PCYT1A: variants seen among roughly 807,000 people sequenced by gnomAD.
PCYT1A encodes the protein phosphate cytidylyltransferase 1A, choline, also known as choline-phosphate cytidylyltransferase A.
PCYT1A carries 25 observed loss-of-function variants against 43.7 expected under a neutral mutation model. The ratio of observed to expected loss-of-function variants is 0.57; its 90% CI spans 0.42 to 0.80. The LOEUF (loss-of-function observed/expected upper bound fraction) is 0.80. Ranked by LOEUF, PCYT1A falls within the 30% of genes least tolerant of loss-of-function variation. The pLI, the probability that PCYT1A is intolerant of heterozygous loss-of-function variation, is 0.00. For missense variants in PCYT1A, 421 were observed against 474.2 expected, an observed-to-expected ratio of 0.89 and a Z score of 1.04; for synonymous variants, 172 against 170.7, an observed-to-expected ratio of 1.01 and a Z score of -0.06.
intron 2 of PCYT1A, among the ~76,000 whole-genome samples, chr3:196,265,739 CT>C (rs918330587): frequency 6.6e-6 from 1 of 150,846 alleles, no homozygotes; most frequent in Non-Finnish European, 1.5e-5. Flanking sequence ...TCCCCCTACC[CT>C]TTTTTTTTCT....
Position 196,242,251 on chromosome 3 carries a change from C to T in PCYT1A, c.566-161G>A, listed in dbSNP as rs1398956384. ...AGATACTGATATACAGAAGGTAGAC[C>T]GAATCAAAGGCCAGAGGTAAGGCAA... is the stretch of plus-strand genomic sequence containing the variant. On this transcript the variant is annotated intron_variant, in intron 6 of 8. Coordinates refer to ENST00000431016, the MANE Select transcript of PCYT1A (RefSeq NM_001312673.2). The surrounding 1 kb of genome is among the most constrained non-coding windows in gnomAD (Gnocchi z 4.2). 6 of 712,870 alleles carry T rather than the reference C, an allele frequency of 8.4e-6. No individual in the cohort carries two copies. Among genetic ancestry groups the T allele is most frequent in the South Asian group, 7.1e-5 (4 of 56,188 alleles). 44.2% of individuals were successfully genotyped at this position (712,870 alleles called of 1,614,324 possible).
chr3:196,283,201 G>C (rs1253624905), intron 1 of PCYT1A, among the ~76,000 whole-genome samples: 1 of 152,164 alleles, frequency 6.6e-6, no homozygotes, highest in African/African-American at 2.4e-5. Context: ...GCTGGGCGTG[G>C]TGGCGGGCAC....
intron 1 of PCYT1A, among the ~76,000 whole-genome samples, chr3:196,276,216 TGTTA>T (rs1420564583): frequency 6.6e-6 from 1 of 152,216 alleles, no homozygotes; most frequent in Non-Finnish European, 1.5e-5. Flanking sequence ...GCAAGGAATT[TGTTA>T]ATTAGCTTGA....
At chr3:196,243,861 A>G (rs1001335124) in intron 5 of PCYT1A, among the ~76,000 whole-genome samples, 12 of 152,184 alleles carry the variant, frequency 7.9e-5, no homozygotes, top group Admixed American at 2.0e-4. Context: ...GCTGGAGTGC[A>G]GTGGCGTGAT....
chr3:196,257,755 G>A (rs1368408969), intron 3 of PCYT1A, 33 bp downstream of exon 3: 2 of 1,298,892 alleles, frequency 1.5e-6, no homozygotes. Context: ...AAAAACAATA[G>A]TCAAACAACA....
intron 3 of PCYT1A, among the ~76,000 whole-genome samples, chr3:196,255,561 G>C (rs1355824798): frequency 6.6e-6 from 1 of 152,112 alleles, no homozygotes; most frequent in Non-Finnish European, 1.5e-5. Flanking sequence ...CGGCACGGTG[G>C]CTCACTCCTG....
At position 196,238,540 on chromosome 3, in the gene PCYT1A, T is replaced by C. The variant is rs1186873989; in HGVS notation, c.*148A>G. 3.7e-6 allele frequency: 2 copies of C among 538,878 alleles called. No individual in the cohort carries two copies. Among genetic ancestry groups the C allele is most frequent in the Non-Finnish European group, 6.4e-6 (2 of 311,772 alleles). The allele number at this position is 538,878 out of a possible 1,614,324, so 33.4% of individuals were successfully genotyped here. On this transcript the variant is annotated 3_prime_UTR_variant, in exon 9 of 9. Coordinates refer to ENST00000431016, the MANE Select transcript of PCYT1A (RefSeq NM_001312673.2). ...TCACTTGCAGGACAGGCTGTTTGGG[T>C]TCCCCCAGTCCTAGGTCTTCTTTCC...
intron 1 of PCYT1A, among the ~76,000 whole-genome samples, chr3:196,275,626 G>A (rs756316373): frequency 2.0e-5 from 3 of 151,994 alleles, no homozygotes; most frequent in Non-Finnish European, 4.4e-5. Flanking sequence ...CCAGCTACTC[G>A]GGAGGCTGAG....
At chr3:196,254,705 A>G (rs1309182165) in intron 3 of PCYT1A, among the ~76,000 whole-genome samples, 3 of 152,180 alleles carry the variant, frequency 2.0e-5, no homozygotes, top group African/African-American at 7.2e-5. Context: ...CCTGATTTGG[A>G]TGATAAATTA....
At chr3:196,270,160 G>C (rs1199982208) in intron 2 of PCYT1A, among the ~76,000 whole-genome samples, 1 of 152,114 alleles carries the variant, frequency 6.6e-6, no homozygotes, top group Admixed American at 6.6e-5. Flanking sequence ...ACCGCACCTG[G>C]CCATATTTCA....
rs972112261 is a variant in PCYT1A, at chr3:196,274,412, A to G, written c.-10-3871T>C. 5.3e-5 allele frequency among the ~76,000 whole-genome samples: 8 copies of G among 152,354 alleles called. 1 individual carries two copies. In the South Asian group the frequency reaches 1.4e-3, roughly 28 times the overall value. ...CCCATCCAGACAGGCCACCGCTGCC[A>G]TCATTTAGATGTTGGCTTTTCAGCC... is the stretch of plus-strand genomic sequence containing the variant. On this transcript the variant is annotated intron_variant, in intron 1 of 8. Transcript: ENST00000431016.
chr3:196,275,328 G>C (rs970974972), intron 1 of PCYT1A, among the ~76,000 whole-genome samples: 1 of 152,200 alleles, frequency 6.6e-6, no homozygotes, highest in Non-Finnish European at 1.5e-5. Context: ...CTTATTTGTG[G>C]AATCTAAAAG....
chr3:196,274,766 C>A (rs1177745777), intron 1 of PCYT1A, among the ~76,000 whole-genome samples: 1 of 152,224 alleles, frequency 6.6e-6, no homozygotes, highest in Non-Finnish European at 1.5e-5. Flanking sequence ...CTACAAGAAA[C>A]TGGCCTAATT....
At chr3:196,280,570 G>GTTTTTTTTTTTTGTTT (rs1725736437) in intron 1 of PCYT1A, among the ~76,000 whole-genome samples, 1 of 91,344 alleles carries the variant, frequency 1.1e-5, no homozygotes. Flanking sequence ...TATTTTTATT[G>GTTTTTTTTTTTTGTTT]TTTTTTTTTT....
intron 2 of PCYT1A, among the ~76,000 whole-genome samples, chr3:196,260,599 T>A (rs1054394273): frequency 6.6e-6 from 1 of 152,080 alleles, no homozygotes; most frequent in African/African-American, 2.4e-5. Flanking sequence ...TCCCAGCACT[T>A]TGGGAGGCCG....
chr3:196,238,702 C>T lies in PCYT1A; in HGVS notation c.1090G>A (p.Asp364Asn). Residue 364 changes from aspartate (D) to asparagine (N), a missense_variant, in exon 9 of 9, where the codon GAT becomes AAT. Coordinates refer to ENST00000431016, the MANE Select transcript of PCYT1A (RefSeq NM_001312673.2). ...HKAAAYDISE[D>N]EED The stretch of plus-strand genomic sequence containing the variant: ...GGGAGGAAACATTAGTCTTCTTCAT[C>T]CTCACTGATATCATAGGCTGCAGCC... 6.4e-7 allele frequency: 1 copy of T among 1,554,582 alleles called. No individual in the cohort carries two copies. The highest frequency in any genetic ancestry group is 8.7e-7 in the Non-Finnish European group (1 of 1,150,834).
chr3:196,282,742 A>C lies in PCYT1A; in HGVS notation c.-11+4873T>G, dbSNP rs1203735369. The stretch of plus-strand genomic sequence containing the variant: ...GGAGTCCATAACACAAAAAAGATTA[A>C]GATTCCTGTTCTACGGTCAAAAAAT... On this transcript the variant is annotated intron_variant, in intron 1 of 8. Transcript: ENST00000431016. The surrounding 1 kb of genome is among the most constrained non-coding windows in gnomAD (Gnocchi z 4.3). 6.6e-6 allele frequency among the ~76,000 whole-genome samples: 1 copy of C among 152,228 alleles called. No homozygotes were observed. Among genetic ancestry groups the C allele is most frequent in the Non-Finnish European group, 1.5e-5 (1 of 68,046 alleles).
At chr3:196,286,855 G>C (rs929469377) in intron 1 of PCYT1A, among the ~76,000 whole-genome samples, 1 of 152,156 alleles carries the variant, frequency 6.6e-6, no homozygotes, top group African/African-American at 2.4e-5. Context: ...CGGAGGTTGC[G>C]GTGAGCTGAG....
rs1027563353 is a variant in PCYT1A, at chr3:196,282,570, T to C, written c.-11+5045A>G. Among the ~76,000 whole-genome samples, 7 of 152,242 alleles carry C rather than the reference T, an allele frequency of 4.6e-5. No individual in the cohort carries two copies. The highest frequency in any genetic ancestry group is 9.6e-5 in the African/African-American group (4 of 41,468). On this transcript the variant is annotated intron_variant, in intron 1 of 8. Transcript: ENST00000431016. This position sits in a 1 kb window ranked among gnomAD's most constrained non-coding sequence, Gnocchi z 4.3. ...CCAGTAGAAATCATGGATATTTTCA[T>C]ACCATATCATACTTCTTAAATTTTG...
Sources: allele counts gnomAD v4.1 joint callset (sites outside exome capture counted in the v4.1 genomes callset), GRCh38; gene constraint gnomAD v4.1.1; non-coding constraint Gnocchi (gnomAD v3.1); transcripts MANE v1.5; gene names NCBI Gene and HGNC (gene_info 2026-07-23, HGNC 2026-07-21).